Variants in ADAT1 observed in about 807,000 individuals in gnomAD.
ADAT1 encodes the protein adenosine deaminase tRNA specific 1.
In ADAT1, 58 loss-of-function variants were observed where a neutral mutation model predicts 58.6. That is an observed-to-expected ratio of 0.99 (90% CI 0.80 to 1.23). The LOEUF (loss-of-function observed/expected upper bound fraction) is 1.23. Ranked by LOEUF, ADAT1 falls within the 50% of genes most tolerant of loss-of-function variation. The probability of loss-of-function intolerance (pLI) is 0.00; values close to 1 mark genes in which losing one functional copy is unlikely to be tolerated. For synonymous variants in ADAT1, 254 were observed against 220.8 expected (o/e 1.15, Z -1.33); for missense variants, 741 against 608.6 (o/e 1.22, Z -2.29).
Position 75,612,657 on chromosome 16 carries a change from T to A in ADAT1, c.629A>T (p.Asn210Ile), listed in dbSNP as rs1477522368. 6.2e-7 allele frequency: 1 copy of A among 1,614,112 alleles called. No homozygotes were observed. The highest frequency in any genetic ancestry group is 1.7e-5 in the Admixed American group (1 of 59,996). Residue 210 changes from asparagine (N) to isoleucine (I), a missense_variant, in exon 6 of 10, where the codon AAC becomes ATC. Asn to Ile is a moderately radical substitution (Grantham distance 149). Transcript: ENST00000564657. The stretch of plus-strand genomic sequence containing the variant: ...AAAACTCTGATGGTGAGCTGCTCCG[T>A]TGGTGACCTCCCTGGCTGCAGTCCC... ...EPGTAAREVT[N>I]GAAHHQSFGK...
chr16:75,619,301 T>G (rs1047456973), intron 3 of ADAT1, among the ~76,000 whole-genome samples: 4 of 152,112 alleles, frequency 2.6e-5, no homozygotes, highest in Non-Finnish European at 5.9e-5. Context: ...GGCAGGAGGA[T>G]AGCTTGAGGC....
intron 4 of ADAT1, among the ~76,000 whole-genome samples, chr16:75,618,094 T>C (rs561454096): frequency 1.5e-3 from 134 of 89,334 alleles, no homozygotes; most frequent in African/African-American, 7.1e-3. Flanking sequence ...CAAGACCCTG[T>C]GTCCAAAAAA....
At chr16:75,604,474 T>TATACACACACACACACACACAC (rs1324943206) in intron 8 of ADAT1, among the ~76,000 whole-genome samples, 1 of 54,014 alleles carries the variant, frequency 1.9e-5, no homozygotes, top group Non-Finnish European at 2.8e-5. Context: ...TATATATATA[T>TATACACACACACACACACACAC]ACACACACAC....
At chr16:75,600,878 C>T (rs890098724) in intron 9 of ADAT1, among the ~76,000 whole-genome samples, 2 of 152,200 alleles carry the variant, frequency 1.3e-5, no homozygotes, top group Non-Finnish European at 1.5e-5. Context: ...TTTATCTTTA[C>T]ATTTTTATTT....
In ADAT1 at chr16:75,599,867, A is replaced by T; in HGVS notation, c.*349T>A. The T allele has an allele frequency of 3.0e-6, 3 of 1,016,326 alleles. No homozygotes were observed. Among genetic ancestry groups the T allele is most frequent in the Non-Finnish European group, 3.5e-6 (3 of 849,946 alleles). The allele number at this position is 1,016,326 out of a possible 1,614,324, so 63.0% of individuals were successfully genotyped here. A position where few individuals can be genotyped will look rare whatever the true frequency, so the allele number is the denominator to read the frequency against. ...CTTGCAGAGCGTCAAACATCATTTC[A>T]GCTCAATAAATATTTGCTGAATCAA... On this transcript the variant is annotated 3_prime_UTR_variant, in exon 10 of 10. Transcript: ENST00000564657.
intron 2 of ADAT1, 30 bp from the exon 3 acceptor site, chr16:75,620,364 C>G: frequency 1.9e-6 from 3 of 1,611,326 alleles, no homozygotes; most frequent in Non-Finnish European, 2.5e-6. Context: ...CGTGTGAGTT[C>G]TGAGAAACGG....
intron 9 of ADAT1, among the ~76,000 whole-genome samples, chr16:75,601,544 G>A (rs1389177802): frequency 1.3e-5 from 2 of 151,856 alleles, no homozygotes; most frequent in African/African-American, 4.8e-5. Flanking sequence ...ATCGCCCGAG[G>A]TCAGTAGTTC....
At position 75,598,121 on chromosome 16, in the gene ADAT1, G is replaced by C. The variant is rs982388990; in HGVS notation, c.*2095C>G. On this transcript the variant is annotated 3_prime_UTR_variant, in exon 10 of 10. Coordinates refer to ENST00000564657, the MANE Select transcript of ADAT1 (RefSeq NM_001324445.2). ...AGATGGAGTCTTGCTCTGTCACCCA[G>C]GCTAGAGTGCAGTGGCACGATCCTG... 3 of 171,998 alleles carry C rather than the reference G, an allele frequency of 1.7e-5. No homozygotes were observed. The highest frequency in any genetic ancestry group is 6.3e-5 in the Admixed American group (1 of 15,836). 10.7% of individuals were successfully genotyped at this position (171,998 alleles called of 1,614,324 possible). A position where few individuals can be genotyped will look rare whatever the true frequency, so the allele number is the denominator to read the frequency against.
In ADAT1 at chr16:75,612,785, G is replaced by C. The variant is rs200524721; in HGVS notation, c.501C>G (p.His167Gln). Residue 167 changes from histidine to glutamine, a missense_variant, in exon 6 of 10, where the codon CAC becomes CAG. His to Gln is a conservative substitution (Grantham distance 24, BLOSUM62 0). Transcript: ENST00000564657. The stretch of plus-strand genomic sequence containing the variant: ...TACTACTGGCTTCTACTGATGAGTT[G>C]TGGGCCCAATTTCTGAAGACAGGAC... The part of the protein sequence containing the change: ...PCCPVFRNWA[H>Q]NSSVEASSNL... 1.0e-4 allele frequency: 167 copies of C among 1,614,014 alleles called. No homozygotes were observed. The East Asian group carries it at 3.3e-3, about 32-fold the overall frequency.
At position 75,599,678 on chromosome 16, in the gene ADAT1, G is replaced by C. The variant is rs2081172128; in HGVS notation, c.*538C>G. 3 of 987,106 alleles carry C rather than the reference G, an allele frequency of 3.0e-6. No individual in the cohort carries two copies. The highest frequency in any genetic ancestry group is 3.6e-6 in the Non-Finnish European group (3 of 830,890). The allele number at this position is 987,106 out of a possible 1,614,324, so 61.1% of individuals were successfully genotyped here. A position where few individuals can be genotyped will look rare whatever the true frequency, so the allele number is the denominator to read the frequency against. ...TGAGAACAAGTCCAGGGCAGTCCAG[G>C]GCTGGCTCACAGGCTATTCCTAGAG... is the stretch of plus-strand genomic sequence containing the variant. On this transcript the variant is annotated 3_prime_UTR_variant, in exon 10 of 10. Transcript: ENST00000564657.
chr16:75,620,175 AC>A (rs1298797945), intron 3 of ADAT1, 90 bp downstream of exon 3: 9 of 1,296,768 alleles, frequency 6.9e-6, no homozygotes, highest in Non-Finnish European at 8.9e-6. Flanking sequence ...ATGCACCTCA[AC>A]TGACATGGCC....
chr16:75,613,949 T>A (rs537432157), intron 5 of ADAT1, among the ~76,000 whole-genome samples: 46 of 152,152 alleles, frequency 3.0e-4, no homozygotes, highest in African/African-American at 1.0e-3. Flanking sequence ...CCCAGCACTT[T>A]GGGAGGCCGA....
In ADAT1 at chr16:75,598,341, T is replaced by G. The variant is rs1274698909; in HGVS notation, c.*1875A>C. On this transcript the variant is annotated 3_prime_UTR_variant, in exon 10 of 10. Coordinates refer to ENST00000564657, the MANE Select transcript of ADAT1 (RefSeq NM_001324445.2). ...TGCCCACCTCGGCCTCCTAAAGTGT[T>G]GGGATTACAGGCGTGAGCCACTGCA... is the stretch of plus-strand genomic sequence containing the variant. 1 of 251,328 alleles carries G rather than the reference T, an allele frequency of 4.0e-6. No individual in the cohort carries two copies. The highest frequency in any genetic ancestry group is 8.4e-6 in the Non-Finnish European group (1 of 118,444). 15.6% of individuals were successfully genotyped at this position (251,328 alleles called of 1,614,324 possible).
Position 75,622,562 on chromosome 16 carries a change from C to G in ADAT1, c.-181G>C, listed in dbSNP as rs1167570794. On this transcript the variant is annotated 5_prime_UTR_variant, in exon 1 of 10. Coordinates refer to ENST00000564657, the MANE Select transcript of ADAT1 (RefSeq NM_001324445.2). ...TGACTCTCTTTAAGATGAAGCAGCC[C>G]AGAACGGCATCATCTCACTCAGGTA... 1 of 152,136 alleles carries G rather than the reference C, an allele frequency of 6.6e-6. No individual in the cohort carries two copies. The highest frequency in any genetic ancestry group is 1.5e-5 in the Non-Finnish European group (1 of 68,042). 9.4% of individuals were successfully genotyped at this position (152,136 alleles called of 1,614,324 possible). A position where few individuals can be genotyped will look rare whatever the true frequency, so the allele number is the denominator to read the frequency against.
At position 75,608,823 on chromosome 16, in the gene ADAT1, G is replaced by C; in HGVS notation, c.1189+20C>G. On this transcript the variant is annotated intron_variant, in intron 7 of 9. Transcript: ENST00000564657. ...CAGGGGAGCAGTTACTCCAGGGCAG[G>C]TCTAACCTGGATCTCTTACCTGCCC... 6.2e-7 allele frequency: 1 copy of C among 1,610,294 alleles called. No homozygotes were observed. Among genetic ancestry groups the C allele is most frequent in the South Asian group, 1.1e-5 (1 of 90,782 alleles).
intron 3 of ADAT1, chr16:75,619,880 C>T (rs1010854296): frequency 6.2e-5 from 12 of 192,458 alleles, no homozygotes; most frequent in Admixed American, 2.8e-4. Context: ...GGTGACAGAG[C>T]GAGACTCCGA....
intron 7 of ADAT1, chr16:75,608,549 C>A (rs1203171756): frequency 1.7e-6 from 1 of 580,166 alleles, no homozygotes; most frequent in Non-Finnish European, 3.0e-6. Flanking sequence ...TTATTATTTG[C>A]TGGGCACAGA....
At chr16:75,617,065 A>C in intron 5 of ADAT1, 77 bp downstream of exon 5, 12 of 1,509,766 alleles carry the variant, frequency 7.9e-6, no homozygotes, top group African/African-American at 1.4e-5. Flanking sequence ...CTTTTTAGGA[A>C]AAAACCTACC....
chr16:75,607,275 G>A (rs573871755), intron 8 of ADAT1, among the ~76,000 whole-genome samples: 64 of 152,108 alleles, frequency 4.2e-4, no homozygotes, highest in Non-Finnish European at 3.2e-4. Context: ...AGGTTGAGGC[G>A]GGTGGATCAC....
Sources: allele counts gnomAD v4.1 joint callset (sites outside exome capture counted in the v4.1 genomes callset), GRCh38; gene constraint gnomAD v4.1.1; transcripts MANE v1.5; gene names NCBI Gene and HGNC (gene_info 2026-07-23, HGNC 2026-07-21).